Variants in GDA observed in about 807,000 individuals in gnomAD.
GDA encodes the protein cytoplasmic PSD-95 interactor.
GDA carries 18 observed loss-of-function variants against 59.6 expected under a neutral mutation model. That is an observed-to-expected ratio of 0.30 (90% CI 0.21 to 0.45). The LOEUF is 0.45. Ranked by LOEUF, GDA falls within the 20% of genes least tolerant of loss-of-function variation. GDA has a pLI of 1.00. For synonymous variants in GDA, 201 were observed against 201.1 expected, an observed-to-expected ratio of 1.00 and a Z score of 0.00; for missense variants, 427 against 552.3, an observed-to-expected ratio of 0.77 and a Z score of 2.27.
chr9:72,154,386 G>A (rs1402901439), intron 1 of GDA, among the ~76,000 whole-genome samples: 1 of 152,190 alleles, frequency 6.6e-6, no homozygotes, highest in Admixed American at 6.5e-5. Context: ...CATGTACCAT[G>A]TTCATTCTAT....
chr9:72,246,428 G>A (rs890502711), intron 12 of GDA, among the ~76,000 whole-genome samples: 2 of 152,332 alleles, frequency 1.3e-5, no homozygotes, highest in African/African-American at 4.8e-5. Context: ...GATTATAGGC[G>A]TGAGCCACTG....
intron 8 of GDA, among the ~76,000 whole-genome samples, 188 bp downstream of exon 8, chr9:72,225,972 A>G (rs1040911905): frequency 6.7e-6 from 1 of 149,738 alleles, no homozygotes; most frequent in Non-Finnish European, 1.5e-5. Flanking sequence ...ACATTTCTTA[A>G]ATTAGAGTAA....
At chr9:72,186,850 C>T (rs1831917126) in intron 1 of GDA, among the ~76,000 whole-genome samples, 1 of 152,158 alleles carries the variant, frequency 6.6e-6, no homozygotes, top group African/African-American at 2.4e-5. Flanking sequence ...CAAGTTCTGC[C>T]TTTTCTTTGA....
chr9:72,239,203 G>A (rs1027086853), intron 10 of GDA, among the ~76,000 whole-genome samples: 1 of 152,154 alleles, frequency 6.6e-6, no homozygotes, highest in African/African-American at 2.4e-5. Context: ...ATGAAATTAT[G>A]CAGCCCAGAG....
intron 1 of GDA, among the ~76,000 whole-genome samples, chr9:72,156,121 C>T (rs1487846120): frequency 6.6e-6 from 1 of 152,172 alleles, no homozygotes; most frequent in African/African-American, 2.4e-5. Context: ...AAGGTAAGTG[C>T]ATCAAGAGTG....
intron 1 of GDA, among the ~76,000 whole-genome samples, chr9:72,186,702 G>A (rs1186006694): frequency 1.3e-5 from 2 of 152,164 alleles, no homozygotes; most frequent in Non-Finnish European, 2.9e-5. Flanking sequence ...CAACACTTCC[G>A]TGTTATTTAC....
chr9:72,222,299 C>G (rs1836984915), intron 6 of GDA, among the ~76,000 whole-genome samples: 1 of 152,100 alleles, frequency 6.6e-6, no homozygotes, highest in East Asian at 1.9e-4. Context: ...ATTTGTATTT[C>G]TCTAATGATC....
In GDA at chr9:72,130,450, A is replaced by G. The variant is rs192271325; in HGVS notation, c.-100+15617A>G. ...AAGTGACCATTAAGAACATTACATA[A>G]GAAGCAGCTGAGTCCTACTGAGTCT... is the stretch of plus-strand genomic sequence containing the variant. On this transcript the variant is annotated intron_variant, in intron 1 of 13. Transcript: ENST00000545168. Among the ~76,000 whole-genome samples the G allele has an allele frequency of 5.9e-5, 9 of 152,324 alleles. No homozygotes were observed. In the South Asian group the frequency reaches 8.3e-4, roughly 14 times the overall value.
At chr9:72,220,954 C>A (rs940006599) in intron 6 of GDA, among the ~76,000 whole-genome samples, 1 of 152,198 alleles carries the variant, frequency 6.6e-6, no homozygotes, top group African/African-American at 2.4e-5. Context: ...CTCTGTCAAG[C>A]AATCTCTTAG....
Position 72,248,887 on chromosome 9 carries a change from A to G in GDA, c.*545A>G, listed in dbSNP as rs571691196. ...TTGTTGAAATTTAAAACGTGTTTCT[A>G]GGTTGACCTTGTGTTTTAGAAATTT... On this transcript the variant is annotated 3_prime_UTR_variant, in exon 14 of 14. Coordinates refer to ENST00000358399, the MANE Select transcript of GDA (RefSeq NM_004293.5). The G allele has an allele frequency of 1.5e-4, 151 of 985,832 alleles. 2 individuals are homozygous for G. In the African/African-American group the frequency reaches 2.5e-3, roughly 16 times the overall value. The allele number at this position is 985,832 out of a possible 1,614,324, so 61.1% of individuals were successfully genotyped here. A position where few individuals can be genotyped will look rare whatever the true frequency, so the allele number is the denominator to read the frequency against.
chr9:72,215,866 G>A (rs1048149586), intron 5 of GDA, among the ~76,000 whole-genome samples: 1 of 152,196 alleles, frequency 6.6e-6, no homozygotes, highest in African/African-American at 2.4e-5. Context: ...ATGTTTCCAC[G>A]TAAAGACTTG....
intron 1 of GDA, among the ~76,000 whole-genome samples, chr9:72,139,078 A>G (rs1826350131): frequency 6.6e-6 from 1 of 152,230 alleles, no homozygotes; most frequent in Non-Finnish European, 1.5e-5. Context: ...TGGACAAGGC[A>G]TGGGCTGCTA....
At chr9:72,153,819 G>T (rs1458992093) in intron 1 of GDA, among the ~76,000 whole-genome samples, 1 of 111,044 alleles carries the variant, frequency 9.0e-6, no homozygotes, top group African/African-American at 3.5e-5. Context: ...GTTGTGGGGT[G>T]GGGGGAGGGG....
downstream of GDA, among the ~76,000 whole-genome samples, chr9:72,258,962 A>G (rs1019316290): frequency 1.3e-5 from 2 of 152,014 alleles, no homozygotes; most frequent in Non-Finnish European, 2.9e-5. Flanking sequence ...GAGCTCATGA[A>G]TGATCTCCTC....
intron 10 of GDA, among the ~76,000 whole-genome samples, chr9:72,232,975 G>A (rs952580782): frequency 2.0e-5 from 3 of 152,172 alleles, no homozygotes; most frequent in Admixed American, 1.3e-4. Flanking sequence ...AGGAAAGGGC[G>A]AAGTTGGTGT....
intron 9 of GDA, chr9:72,229,236 A>G: frequency 6.3e-6 from 1 of 158,686 alleles, no homozygotes; most frequent in Non-Finnish European, 1.3e-5. Context: ...CTGTAGTCCC[A>G]GCTACTCGTG....
At chr9:72,196,750 AC>A (rs1833243683) in intron 2 of GDA, among the ~76,000 whole-genome samples, 2 of 50,078 alleles carry the variant, frequency 4.0e-5, no homozygotes, top group South Asian at 1.9e-3. Flanking sequence ...CTTGCCCCCC[AC>A]CCCCCAACAG....
chr9:72,125,533 A>C (rs1825815755), intron 1 of GDA, among the ~76,000 whole-genome samples: 2 of 152,112 alleles, frequency 1.3e-5, no homozygotes, highest in South Asian at 4.1e-4. Context: ...ATTCTTTCTT[A>C]AAAATAACAT....
intron 1 of GDA, among the ~76,000 whole-genome samples, chr9:72,134,965 T>A (rs1459438185): frequency 6.6e-6 from 1 of 152,202 alleles, no homozygotes; most frequent in Non-Finnish European, 1.5e-5. Flanking sequence ...GTCAATGATA[T>A]GCAATTAACT....
Sources: gnomAD v4.1 joint callset for allele counts (sites outside exome capture counted in the v4.1 genomes callset) on GRCh38, gnomAD v4.1.1 for gene constraint, MANE v1.5 for transcripts, NCBI Gene and HGNC (gene_info 2026-07-23, HGNC 2026-07-21) for gene names.